The following CD99L2 variants were observed in gnomAD, a reference collection of about 807,000 sequenced individuals.
The protein encoded by CD99L2 is CD99 antigen-like protein 2.
In CD99L2, 24 loss-of-function variants were observed where a neutral mutation model predicts 27.3. The ratio of observed to expected loss-of-function variants is 0.88; its 90% confidence interval spans 0.64 to 1.24. The LOEUF (loss-of-function observed/expected upper bound fraction) is 1.24, where lower values mean the gene tolerates loss of function less well. Ranked by LOEUF, CD99L2 falls within the 50% of genes most tolerant of loss-of-function variation. The pLI, the probability that CD99L2 is intolerant of heterozygous loss-of-function variation, is 0.00. For synonymous variants in CD99L2, 97 were observed against 87.9 expected, an observed-to-expected ratio of 1.10 and a Z score of -0.58; for missense variants, 255 against 221.6, an observed-to-expected ratio of 1.15 and a Z score of -0.96.
At chrX:150,883,703 C>CA (rs1557422553) in intron 1 of CD99L2, among the ~76,000 whole-genome samples, 11 of 110,053 alleles carry the variant, frequency 1.0e-4, no homozygotes, top group Non-Finnish European at 3.8e-5. Context: ...AGTACACAGC[C>CA]AAAAAAATAA....
chrX:150,879,030 G>A (rs181458768), intron 1 of CD99L2, among the ~76,000 whole-genome samples: 1 of 112,206 alleles, frequency 8.9e-6, no homozygotes, highest in East Asian at 2.8e-4. Context: ...ACAGCAAGGA[G>A]TGAGGTCACC....
At chrX:150,833,010 G>A (rs1310701359) in intron 1 of CD99L2, among the ~76,000 whole-genome samples, 8 of 104,612 alleles carry the variant, frequency 7.6e-5, no homozygotes, top group Admixed American at 2.1e-4. Flanking sequence ...AGCCGAGATC[G>A]CGCCACTGCA....
chrX:150,773,645 G>C (rs1193218514), intron 9 of CD99L2, among the ~76,000 whole-genome samples: 5 of 112,298 alleles, frequency 4.5e-5, no homozygotes, highest in Non-Finnish European at 9.4e-5. Flanking sequence ...TCAGGAACAG[G>C]GTCTTTGCAG....
At chrX:150,795,389 T>C (rs1361191153) in intron 5 of CD99L2, 29 bp downstream of exon 5, 32 of 1,208,690 alleles carry the variant, frequency 2.6e-5, no homozygotes, top group Middle Eastern at 2.3e-4. Flanking sequence ...ATCCTTGCCT[T>C]ACTACTCTCC....
At chrX:150,888,635 AG>A (rs1156387426) in intron 1 of CD99L2, among the ~76,000 whole-genome samples, 2 of 112,327 alleles carry the variant, frequency 1.8e-5, no homozygotes, top group African/African-American at 6.5e-5. Flanking sequence ...AATTTTTAAA[AG>A]GTTTCTAAGC....
intron 2 of CD99L2, among the ~76,000 whole-genome samples, chrX:150,824,444 AAAG>A (rs199978279): frequency 0.2 from 17,519 of 89,063 alleles, 1,524 homozygotes; most frequent in African/African-American, 0.24. Context: ...AAGAAAGAAG[AAAG>A]AAGAAGAAGA....
intron 2 of CD99L2, among the ~76,000 whole-genome samples, chrX:150,817,723 T>A (rs2046183717): frequency 1.8e-5 from 2 of 111,701 alleles, no homozygotes; most frequent in South Asian, 7.4e-4. Flanking sequence ...TGTAGTGTCA[T>A]GTGCCTGTAG....
At chrX:150,879,779 G>C (rs1482147897) in intron 1 of CD99L2, among the ~76,000 whole-genome samples, 3 of 37,487 alleles carry the variant, frequency 8.0e-5, no homozygotes, top group Non-Finnish European at 1.5e-4. Context: ...AAAAAAAAAA[G>C]CTCGGCATGG....
At chrX:150,887,491 A>C (rs1486582469) in intron 1 of CD99L2, among the ~76,000 whole-genome samples, 1 of 109,678 alleles carries the variant, frequency 9.1e-6, no homozygotes, top group Non-Finnish European at 1.9e-5. Context: ...TAAATAAAAT[A>C]AAAAAATAAA....
intron 1 of CD99L2, among the ~76,000 whole-genome samples, chrX:150,845,471 C>G (rs1334769077): frequency 1.8e-5 from 2 of 111,459 alleles, no homozygotes; most frequent in Non-Finnish European, 3.8e-5. Context: ...TAGTGTGTCT[C>G]CATATACTGT....
chrX:150,876,661 T>C (rs1256945804), intron 1 of CD99L2, among the ~76,000 whole-genome samples: 2 of 112,354 alleles, frequency 1.8e-5, no homozygotes, highest in African/African-American at 6.5e-5. Context: ...TTATGAAACT[T>C]ATATTCAACT....
At chrX:150,849,190 C>T (rs1182548172) in intron 1 of CD99L2, among the ~76,000 whole-genome samples, 1 of 111,587 alleles carries the variant, frequency 9.0e-6, no homozygotes, top group African/African-American at 3.3e-5. Flanking sequence ...GCGATGAAGC[C>T]CCAACAGCCG....
chrX:150,782,668 C>T (rs1245519539), intron 7 of CD99L2, among the ~76,000 whole-genome samples: 1 of 111,761 alleles, frequency 8.9e-6, no homozygotes, highest in Admixed American at 9.5e-5. Flanking sequence ...CTGAAACATC[C>T]TATTTCTTTA....
chrX:150,829,964 C>T (rs1011516757), intron 2 of CD99L2, among the ~76,000 whole-genome samples: 18 of 110,175 alleles, frequency 1.6e-4, no homozygotes, highest in African/African-American at 5.6e-4. Context: ...TGAGACCAGC[C>T]TGGGCAACAC....
chrX:150,824,013 G>GGAGGAA (rs1231631746), intron 2 of CD99L2, among the ~76,000 whole-genome samples: 1 of 100,332 alleles, frequency 1.0e-5, no homozygotes, highest in Non-Finnish European at 2.1e-5. Context: ...AAGAGGAGGA[G>GGAGGAA]GAGGAAGAGG....
chrX:150,775,697 T>C (rs1557419232), intron 9 of CD99L2, among the ~76,000 whole-genome samples: 2 of 112,430 alleles, frequency 1.8e-5, no homozygotes, highest in Admixed American at 9.3e-5. Context: ...ACGGGGGCAC[T>C]GCCAGAGCAA....
chrX:150,783,176 T>C (rs1180354864), intron 7 of CD99L2, among the ~76,000 whole-genome samples: 1 of 107,431 alleles, frequency 9.3e-6, no homozygotes, highest in Non-Finnish European at 1.9e-5. Context: ...TGGGGAGGGA[T>C]AGCATTAGGA....
At chrX:150,864,625 C>T (rs1435092928) in intron 1 of CD99L2, among the ~76,000 whole-genome samples, 1 of 112,102 alleles carries the variant, frequency 8.9e-6, no homozygotes, top group Non-Finnish European at 1.9e-5. Flanking sequence ...GTGTCACACC[C>T]TAGGACAATT....
At chrX:150,827,399 C>A (rs1300830225) in intron 2 of CD99L2, among the ~76,000 whole-genome samples, 1 of 111,384 alleles carries the variant, frequency 9.0e-6, no homozygotes, top group African/African-American at 3.3e-5. Context: ...TTCCCAGAGA[C>A]ACTGGCTGAT....
Sources: allele counts gnomAD v4.1 joint callset (sites outside exome capture counted in the v4.1 genomes callset), GRCh38; gene constraint gnomAD v4.1.1; transcripts MANE v1.5; gene names NCBI Gene and HGNC (gene_info 2026-07-23, HGNC 2026-07-21).